The following FGF13 variants were observed in gnomAD, a reference collection of about 807,000 sequenced individuals.
FGF13 encodes fibroblast growth factor homologous factor 2.
A neutral mutation model predicts 19.5 loss-of-function variants in FGF13; 2 were observed. The ratio of observed to expected loss-of-function variants is 0.10; its 90% CI spans 0.04 to 0.32. FGF13 has a LOEUF of 0.32. Among genes scored for constraint, FGF13 ranks in the 10% least tolerant of loss-of-function variants. The pLI is 1.00. For missense variants in FGF13, 113 were observed against 192.7 expected (o/e 0.59, Z 2.45); for synonymous variants, 72 against 76.9 (o/e 0.94, Z 0.33).
At chrX:138,730,896 T>C (rs1279225054) in intron 1 of FGF13, among the ~76,000 whole-genome samples, 2 of 111,387 alleles carry the variant, frequency 1.8e-5, no homozygotes, top group Non-Finnish European at 3.8e-5. Context: ...TTGCAAACAC[T>C]AATCCTAACA....
chrX:138,914,464 C>T (rs969721099), intron 1 of FGF13, among the ~76,000 whole-genome samples: 7 of 110,798 alleles, frequency 6.3e-5, no homozygotes, highest in African/African-American at 2.3e-4. Flanking sequence ...CCTTCCTTCT[C>T]AGATTCCCCA....
chrX:138,796,752 C>T (rs1038970624), intron 3 of FGF13, among the ~76,000 whole-genome samples: 4 of 112,167 alleles, frequency 3.6e-5, no homozygotes, highest in Non-Finnish European at 7.5e-5. Flanking sequence ...GATCGTCATT[C>T]TAACTAGCAT....
At chrX:138,900,635 A>G (rs776187960) in intron 1 of FGF13, among the ~76,000 whole-genome samples, 1 of 111,732 alleles carries the variant, frequency 8.9e-6, no homozygotes, top group African/African-American at 3.3e-5. Context: ...TCAATTATTC[A>G]TATAATCATC....
chrX:138,847,681 G>A (rs1602951663), intron 3 of FGF13, among the ~76,000 whole-genome samples: 1 of 112,056 alleles, frequency 8.9e-6, no homozygotes, highest in Non-Finnish European at 1.9e-5. Flanking sequence ...TATAAGAAAT[G>A]AATATCAGAA....
intron 1 of FGF13, among the ~76,000 whole-genome samples, chrX:139,065,740 C>T (rs373330555): frequency 1.2e-4 from 13 of 110,445 alleles, no homozygotes; most frequent in South Asian, 3.9e-4. Context: ...CTTTAACACC[C>T]GACTCAATAT....
At chrX:138,698,164 G>A (rs1001747669) in intron 3 of FGF13, among the ~76,000 whole-genome samples, 16 of 110,707 alleles carry the variant, frequency 1.4e-4, no homozygotes, top group African/African-American at 4.6e-4. Flanking sequence ...AAAAAAGGGC[G>A]GGGAAGGGAG....
At chrX:139,023,435 AAAG>A (rs776338914) in intron 1 of FGF13, among the ~76,000 whole-genome samples, 4 of 111,503 alleles carry the variant, frequency 3.6e-5, no homozygotes, top group Non-Finnish European at 7.5e-5. Context: ...TGTAGCAAAA[AAAG>A]AAAAGCAGAC....
intron 1 of FGF13, among the ~76,000 whole-genome samples, chrX:138,914,021 G>A (rs1473006011): frequency 1.8e-5 from 2 of 108,672 alleles, no homozygotes; most frequent in African/African-American, 3.4e-5. Context: ...CTCCCCTTCC[G>A]GGCCTTAAAA....
intron 3 of FGF13, among the ~76,000 whole-genome samples, chrX:138,671,725 C>A (rs1445420524): frequency 9.0e-6 from 1 of 110,759 alleles, no homozygotes; most frequent in Non-Finnish European, 1.9e-5. Flanking sequence ...TGTGCATACA[C>A]AAACAATATA....
upstream of FGF13, among the ~76,000 whole-genome samples, chrX:138,743,639 C>A (rs2090334919): frequency 9.0e-6 from 1 of 111,273 alleles, no homozygotes; most frequent in African/African-American, 3.3e-5. Context: ...GGGTATATGT[C>A]AACTCTGTAC....
At chrX:138,668,166 G>A (rs918294371) in intron 3 of FGF13, among the ~76,000 whole-genome samples, 1 of 111,423 alleles carries the variant, frequency 9.0e-6, no homozygotes, top group African/African-American at 3.3e-5. Context: ...TGCTGTGCAT[G>A]TATTATCATT....
chrX:138,668,084 ATGT>A (rs2089571875), intron 3 of FGF13, among the ~76,000 whole-genome samples: 1 of 111,946 alleles, frequency 8.9e-6, no homozygotes, highest in Non-Finnish European at 1.9e-5. Context: ...TGAAGGCAGC[ATGT>A]TATTATATGG....
chrX:139,095,285 T>C (rs1413228357), intron 1 of FGF13, among the ~76,000 whole-genome samples: 2 of 111,991 alleles, frequency 1.8e-5, no homozygotes, highest in African/African-American at 3.3e-5. Context: ...TAAGATGCTG[T>C]AGGGACAAGA....
chrX:139,174,780 G>T (rs1374682348), intron 1 of FGF13, among the ~76,000 whole-genome samples: 2 of 112,221 alleles, frequency 1.8e-5, no homozygotes, highest in Non-Finnish European at 3.8e-5. Flanking sequence ...CCAGCACCAT[G>T]CTGTTTTGCT....
chrX:139,185,280 T>C (rs2084274051), intron 1 of FGF13, among the ~76,000 whole-genome samples: 1 of 112,493 alleles, frequency 8.9e-6, no homozygotes, highest in East Asian at 2.8e-4. Context: ...TTTGTATACT[T>C]GAGCATAATA....
chrX:138,940,912 C>A (rs932797384), intron 1 of FGF13, among the ~76,000 whole-genome samples: 3 of 111,464 alleles, frequency 2.7e-5, no homozygotes, highest in Non-Finnish European at 5.6e-5. Flanking sequence ...TATTTGGGCA[C>A]TTTTTTGATT....
intron 1 of FGF13, among the ~76,000 whole-genome samples, chrX:138,934,034 C>A (rs2091718645): frequency 8.9e-6 from 1 of 112,211 alleles, no homozygotes; most frequent in Non-Finnish European, 1.9e-5. Flanking sequence ...TCAACAGATA[C>A]AATTTTACTT....
downstream of FGF13, among the ~76,000 whole-genome samples, chrX:138,853,067 C>G (rs2091233510): frequency 9.0e-6 from 1 of 111,499 alleles, no homozygotes; most frequent in African/African-American, 3.3e-5. Flanking sequence ...GACATGGAAC[C>G]TAGTTATGTC....
At chrX:139,096,570 T>TA (rs1883034081) in intron 1 of FGF13, among the ~76,000 whole-genome samples, 1 of 111,996 alleles carries the variant, frequency 8.9e-6, no homozygotes, top group Non-Finnish European at 1.9e-5. Flanking sequence ...CTGTGATTTG[T>TA]AAGTGAGGAA....
Sources: allele counts gnomAD v4.1 joint callset (sites outside exome capture counted in the v4.1 genomes callset), GRCh38; gene constraint gnomAD v4.1.1; transcripts MANE v1.5; gene names NCBI Gene and HGNC (gene_info 2026-07-23, HGNC 2026-07-21).